SLCO4A1: variants seen among roughly 807,000 people sequenced by gnomAD.
SLCO4A1 encodes the protein colon organic anion transporter.
Under a neutral mutation model 64.6 loss-of-function variants are expected in SLCO4A1, and 51 were observed. That is an observed-to-expected ratio of 0.79 (90% CI 0.63 to 1.00). SLCO4A1 has a LOEUF of 1.00. Ranked by LOEUF, SLCO4A1 falls within the 50% of genes least tolerant of loss-of-function variation. The pLI is 0.00. For missense variants in SLCO4A1, 919 were observed against 980.5 expected (o/e 0.94, Z 0.84); for synonymous variants, 471 against 444.9 (o/e 1.06, Z -0.74).
chr20:62,682,790 C>A (rs1987896254), intron 2 of SLCO4A1, among the ~76,000 whole-genome samples: 1 of 152,164 alleles, frequency 6.6e-6, no homozygotes, highest in Non-Finnish European at 1.5e-5. Flanking sequence ...CATGTCACCC[C>A]CGACTTAGTG....
At chr20:62,667,154 C>T (rs1292127896) in intron 7 of SLCO4A1, among the ~76,000 whole-genome samples, 2 of 152,372 alleles carry the variant, frequency 1.3e-5, no homozygotes, top group East Asian at 1.9e-4. Flanking sequence ...CTACGCTGTC[C>T]TCACAACAGA....
In SLCO4A1 at chr20:62,666,582, G is replaced by A. The variant is rs1008051031; in HGVS notation, c.1472+7G>A. On this transcript the variant is annotated splice_region_variant and intron_variant, in intron 7 of 11. Transcript: ENST00000217159. ...CAGCCAGCTACGGCGGGAGGTGAGG[G>A]CCAGATGGCACCTGGGTACGCGTCG... 1 of 1,610,542 alleles carries A rather than the reference G, an allele frequency of 6.2e-7. No individual in the cohort carries two copies. Among genetic ancestry groups the A allele is most frequent in the Admixed American group, 1.7e-5 (1 of 59,978 alleles).
intron 3 of SLCO4A1, among the ~76,000 whole-genome samples, chr20:62,659,990 G>A (rs868634351): frequency 5.1e-4 from 77 of 152,328 alleles, no homozygotes; most frequent in Middle Eastern, 3.4e-3. Flanking sequence ...CAGTCCCTTC[G>A]TGGGGAGCTC....
At chr20:62,676,333 T>C (rs1219694911), downstream of SLCO4A1, among the ~76,000 whole-genome samples, 1 of 152,102 alleles carries the variant, frequency 6.6e-6, no homozygotes, top group East Asian at 1.9e-4. Context: ...GGTGGGAGGA[T>C]CGCCTAAGCC....
downstream of SLCO4A1, among the ~76,000 whole-genome samples, chr20:62,686,716 G>C (rs560730824): frequency 7.2e-4 from 110 of 152,370 alleles, no homozygotes; most frequent in African/African-American, 2.5e-3. Context: ...TAGTATATCA[G>C]CTATTTTACC....
rs936760694 is a variant in SLCO4A1, at chr20:62,644,926, G to A, written c.-97+2373G>A. 2.6e-5 allele frequency among the ~76,000 whole-genome samples: 4 copies of A among 152,250 alleles called. No homozygotes were observed. Among genetic ancestry groups the A allele is most frequent in the African/African-American group, 7.2e-5 (3 of 41,458 alleles). On this transcript the variant is annotated intron_variant, in intron 1 of 11. Coordinates refer to ENST00000217159, the MANE Select transcript of SLCO4A1 (RefSeq NM_016354.4). The surrounding 1 kb of genome is among the most constrained non-coding windows in gnomAD (Gnocchi z 5.4). Reference sequence around the variant, plus strand: ...CCTTGGAGCTCTGGGAGAGAGCCACGCCAGGCCAGCCCTCCTGCTTCCTCA... The same window carrying A: ...CCTTGGAGCTCTGGGAGAGAGCCACACCAGGCCAGCCCTCCTGCTTCCTCA...
intron 2 of SLCO4A1, among the ~76,000 whole-genome samples, chr20:62,682,155 G>A (rs780355903): frequency 6.6e-6 from 1 of 152,212 alleles, no homozygotes; most frequent in Non-Finnish European, 1.5e-5. Context: ...TCCCACTACT[G>A]GTGTTAGCTT....
intron 2 of SLCO4A1, among the ~76,000 whole-genome samples, chr20:62,678,290 C>T (rs1987681464): frequency 6.6e-6 from 1 of 152,162 alleles, no homozygotes; most frequent in Non-Finnish European, 1.5e-5. Context: ...GAAGTCAGGA[C>T]TTAACAGAAT....
At chr20:62,658,422 C>A (rs1304910694) in intron 2 of SLCO4A1, among the ~76,000 whole-genome samples, 1 of 152,234 alleles carries the variant, frequency 6.6e-6, no homozygotes, top group African/African-American at 2.4e-5. Flanking sequence ...AACGGGGCTT[C>A]GAGGGCCTTT....
chr20:62,657,119 G>A lies in SLCO4A1; in HGVS notation c.665G>A (p.Gly222Asp). 6.3e-7 allele frequency: 1 copy of A among 1,580,040 alleles called. No individual in the cohort carries two copies. Among genetic ancestry groups the A allele is most frequent in the South Asian group, 1.1e-5 (1 of 88,006 alleles). ...GCGGTGTGTGCGGACAGCACCTCGG[G>A]CCTGTCCCGCTACCAGCTGGTCTTC... is the stretch of plus-strand genomic sequence containing the variant. ...PGAVCADSTS[G>D]LSRYQLVFML... The change falls in exon 2 of 12, where the codon GGC (glycine) becomes GAC (aspartate). Residue 222 changes from glycine to aspartate, a missense_variant. Transcript: ENST00000217159.
At chr20:62,667,637 C>T in intron 7 of SLCO4A1, 108 bp from the exon 8 acceptor site, 1 of 1,361,560 alleles carries the variant, frequency 7.3e-7, no homozygotes. Flanking sequence ...GTTTGTAGAC[C>T]CGAAATGCAG....
downstream of SLCO4A1, among the ~76,000 whole-genome samples, chr20:62,689,327 C>T (rs1242966837): frequency 6.6e-6 from 1 of 152,224 alleles, no homozygotes; most frequent in African/African-American, 2.4e-5. Flanking sequence ...GTGCCCCGTG[C>T]CTCGCAGGCC....
In SLCO4A1 at chr20:62,670,795, C is replaced by T. The variant is rs528707730; in HGVS notation, c.2026-955C>T. Among the ~76,000 whole-genome samples, 84 of 152,340 alleles carry T rather than the reference C, an allele frequency of 5.5e-4. 1 individual carries two copies. The highest frequency in any genetic ancestry group is 1.6e-3 in the African/African-American group (65 of 41,580). ...GCGCATGCGTCCATGTTAATTGTAGCGGGGGAGCACACGGTGTCTCCTTAT... is the reference window on the plus strand; with the variant it reads ...GCGCATGCGTCCATGTTAATTGTAGTGGGGGAGCACACGGTGTCTCCTTAT... On this transcript the variant is annotated intron_variant, in intron 11 of 11. Transcript: ENST00000217159.
chr20:62,643,080 C>T, intron 1 of SLCO4A1: 2 of 468,766 alleles, frequency 4.3e-6, no homozygotes, highest in South Asian at 1.6e-5. Context: ...CGGGGGCGGC[C>T]GGGCTTTGTT....
At position 62,668,046 on chromosome 20, in the gene SLCO4A1, T is replaced by C; in HGVS notation, c.1673T>C (p.Leu558Pro). Residue 558 changes from leucine (L) to proline (P), a missense_variant, in exon 9 of 12, where the codon CTT becomes CCT. Physicochemically the swap from Leu to Pro is moderately conservative, Grantham distance 98. Transcript: ENST00000217159. ...YRDCSCIPQN[L>P]SSGFGHATAG... is the part of the protein sequence containing the mutation. ...GACTGTAGCTGTATCCCTCAGAATCTTTCCTCTGGTTTTGGCCATGCCACT... is the reference window on the plus strand; with the variant it reads ...GACTGTAGCTGTATCCCTCAGAATCCTTCCTCTGGTTTTGGCCATGCCACT... 1 of 1,614,044 alleles carries C rather than the reference T, an allele frequency of 6.2e-7. No homozygotes were observed. Among genetic ancestry groups the C allele is most frequent in the East Asian group, 2.2e-5 (1 of 44,882 alleles).
Position 62,661,041 on chromosome 20 carries a change from C to CCCCCCCCCCCCCCCCCACA in SLCO4A1, c.1010-23_1010-22insCCCCCCCCCCCCCCCCACA. On this transcript the variant is annotated intron_variant, in intron 4 of 11. Coordinates refer to ENST00000217159, the MANE Select transcript of SLCO4A1 (RefSeq NM_016354.4). The surrounding 1 kb of genome is among the most constrained non-coding windows in gnomAD (Gnocchi z 5.2). ...TCCGGGAGCCCCCAGCCCCCAGCCC[C>CCCCCCCCCCCCCCCCCACA]AGCTCACTCTGTGCCCTTCCAGGCT... is the stretch of plus-strand genomic sequence containing the variant. 9.8e-6 allele frequency: 14 copies of CCCCCCCCCCCCCCCCCACA among 1,424,138 alleles called. No individual in the cohort carries two copies. Among genetic ancestry groups the CCCCCCCCCCCCCCCCCACA allele is most frequent in the African/African-American group, 1.4e-5 (1 of 71,932 alleles). 88.2% of individuals were successfully genotyped at this position (1,424,138 alleles called of 1,614,324 possible). A position where few individuals can be genotyped will look rare whatever the true frequency, so the allele number is the denominator to read the frequency against.
downstream of SLCO4A1, among the ~76,000 whole-genome samples, chr20:62,674,378 G>A (rs1987488292): frequency 1.3e-5 from 2 of 152,226 alleles, no homozygotes; most frequent in African/African-American, 4.8e-5. Flanking sequence ...ATCCGGGAAG[G>A]CTGGGCAGAT....
rs77031362 is a variant in SLCO4A1 at position 62,661,992 on chromosome 20, C to T, written c.1121+817C>T. Among the ~76,000 whole-genome samples, 1 of 152,234 alleles carries T rather than the reference C, an allele frequency of 6.6e-6. No individual in the cohort carries two copies. Among genetic ancestry groups the T allele is most frequent in the East Asian group, 1.9e-4 (1 of 5,162 alleles). ...ACCCAAGTCCTCAGCGTCTGAGGCC[C>T]CAGCACGGGGAGACTCTTGTGCCCT... On this transcript the variant is annotated intron_variant, in intron 5 of 11. Transcript: ENST00000217159. The surrounding 1 kb of genome is among the most constrained non-coding windows in gnomAD (Gnocchi z 5.2).
intron 1 of SLCO4A1, among the ~76,000 whole-genome samples, chr20:62,655,132 A>G (rs1029389240): frequency 3.9e-5 from 6 of 152,262 alleles, no homozygotes; most frequent in African/African-American, 1.4e-4. Flanking sequence ...GTCACAATTC[A>G]GCCATAACAG....
Sources: gnomAD v4.1 joint callset for allele counts (sites outside exome capture counted in the v4.1 genomes callset) on GRCh38, gnomAD v4.1.1 for gene constraint, Gnocchi (gnomAD v3.1) non-coding constraint, MANE v1.5 for transcripts, NCBI Gene and HGNC (gene_info 2026-07-23, HGNC 2026-07-21) for gene names.